Variants in NEK10 observed in about 807,000 individuals in gnomAD.
The protein encoded by NEK10 is serine/threonine-protein kinase Nek10.
A neutral mutation model predicts 159.8 loss-of-function variants in NEK10; 122 were observed. That is an observed-to-expected ratio of 0.76 (90% CI 0.66 to 0.89). NEK10 has a LOEUF of 0.89. Among genes scored for constraint, NEK10 ranks in the 40% least tolerant of loss-of-function variants. The probability of loss-of-function intolerance (pLI) is 0.00; values close to 1 mark genes in which losing one functional copy is unlikely to be tolerated. For missense variants in NEK10, 1,342 were observed against 1,323.1 expected (o/e 1.01, Z -0.22); for synonymous variants, 466 against 457.1 (o/e 1.02, Z -0.25).
intron 5 of NEK10, among the ~76,000 whole-genome samples, chr3:27,342,674 G>A (rs1220317389): frequency 2.0e-5 from 3 of 152,040 alleles, no homozygotes; most frequent in African/African-American, 7.2e-5. Context: ...GAATTGTTGA[G>A]ATCTTTTTCA....
At chr3:27,161,415 A>C (rs1946000357) in intron 30 of NEK10, among the ~76,000 whole-genome samples, 1 of 152,208 alleles carries the variant, frequency 6.6e-6, no homozygotes, top group Non-Finnish European at 1.5e-5. Flanking sequence ...ACATGGGCTA[A>C]CATTACAGTC....
intron 23 of NEK10, among the ~76,000 whole-genome samples, chr3:27,251,917 T>C (rs2149304396): frequency 6.6e-6 from 1 of 152,296 alleles, no homozygotes; most frequent in Admixed American, 6.5e-5. Flanking sequence ...ACCATCAAGG[T>C]ACTTACTATC....
chr3:27,335,830 G>A (rs1255076416), intron 5 of NEK10, among the ~76,000 whole-genome samples: 2 of 152,042 alleles, frequency 1.3e-5, no homozygotes, highest in South Asian at 2.1e-4. Flanking sequence ...GTGGAAACAC[G>A]ACATACCAAA....
chr3:27,342,719 C>T (rs1451107910), intron 5 of NEK10, among the ~76,000 whole-genome samples: 2 of 151,984 alleles, frequency 1.3e-5, no homozygotes, highest in African/African-American at 4.8e-5. Flanking sequence ...GGTTATTTTC[C>T]CTAACAATTT....
chr3:27,360,646 TAAC>T (rs1424354981), intron 1 of NEK10, among the ~76,000 whole-genome samples: 3 of 152,168 alleles, frequency 2.0e-5, no homozygotes, highest in Admixed American at 6.5e-5. Flanking sequence ...GAGGGTGATA[TAAC>T]AACAACTGAT....
At chr3:27,239,231 C>G (rs1954291301) in intron 23 of NEK10, among the ~76,000 whole-genome samples, 1 of 152,016 alleles carries the variant, frequency 6.6e-6, no homozygotes, top group African/African-American at 2.4e-5. Flanking sequence ...ATGTTAAGTG[C>G]CCAGAAAGAA....
intron 32 of NEK10, among the ~76,000 whole-genome samples, chr3:27,125,573 T>C (rs1382888873): frequency 6.6e-6 from 1 of 152,188 alleles, no homozygotes; most frequent in Non-Finnish European, 1.5e-5. Flanking sequence ...ACATACAGCT[T>C]CTCCATATGA....
intron 32 of NEK10, among the ~76,000 whole-genome samples, chr3:27,125,081 C>T (rs1941792127): frequency 6.6e-6 from 1 of 152,032 alleles, no homozygotes; most frequent in Non-Finnish European, 1.5e-5. Context: ...ACTGAATATA[C>T]TTTCGAACTA....
intron 32 of NEK10, among the ~76,000 whole-genome samples, chr3:27,121,053 C>T (rs1175330612): frequency 6.6e-6 from 1 of 152,048 alleles, no homozygotes; most frequent in African/African-American, 2.4e-5. Flanking sequence ...ATATGCCTAC[C>T]CTATGACCCA....
chr3:27,252,943 T>C (rs1227900116), intron 23 of NEK10: 1 of 504,018 alleles, frequency 2.0e-6, no homozygotes, highest in African/African-American at 1.9e-5. Context: ...TTTAAGCCAC[T>C]TAAAATTCTC....
chr3:27,282,038 C>T (rs911209172), intron 22 of NEK10, among the ~76,000 whole-genome samples: 3 of 152,082 alleles, frequency 2.0e-5, no homozygotes, highest in African/African-American at 7.2e-5. Context: ...TAATCAACAT[C>T]GAACAATAAT....
At chr3:27,280,130 G>C (rs1199537507) in intron 22 of NEK10, among the ~76,000 whole-genome samples, 1 of 151,078 alleles carries the variant, frequency 6.6e-6, no homozygotes, top group African/African-American at 2.4e-5. Flanking sequence ...GCTGGGAGAG[G>C]GGATATTCTT....
intron 15 of NEK10, 91 bp downstream of exon 15, chr3:27,295,522 C>A: frequency 1.4e-6 from 2 of 1,469,700 alleles, no homozygotes; most frequent in South Asian, 1.4e-5. Flanking sequence ...CCAGTACTAA[C>A]CTAAACATTC....
chr3:27,319,681 G>A (rs1001711086), intron 6 of NEK10, among the ~76,000 whole-genome samples: 3 of 152,138 alleles, frequency 2.0e-5, no homozygotes, highest in Admixed American at 2.0e-4. Context: ...ATAGAGAGCG[G>A]GTAGAAGGGA....
In NEK10 at chr3:27,119,826, T is replaced by C. The variant is rs1345213785; in HGVS notation, c.3124A>G (p.Thr1042Ala). 1 of 1,613,972 alleles carries C rather than the reference T, an allele frequency of 6.2e-7. No individual in the cohort carries two copies. Among genetic ancestry groups the C allele is most frequent in the Non-Finnish European group, 8.5e-7 (1 of 1,179,896 alleles). ...CGATGTAATAAATGGTAATCTGCTG[T>C]GAAAAAGTTGGGCTCAATCGGTTCT... is the stretch of plus-strand genomic sequence containing the variant. The part of the protein sequence containing the change: ...SPEPIEPNFF[T>A]ADYHLLHRSS... The change falls in exon 33 of 36, where the codon ACA becomes GCA. Residue 1042 changes from threonine (T) to alanine (A), a missense_variant. Thr to Ala is a moderately conservative substitution (Grantham distance 58). Transcript: ENST00000691995.
chr3:27,246,668 A>G (rs1955097458), intron 23 of NEK10, among the ~76,000 whole-genome samples: 1 of 152,050 alleles, frequency 6.6e-6, no homozygotes, highest in South Asian at 2.1e-4. Flanking sequence ...TTTTATACCC[A>G]TTAATCACCC....
chr3:27,292,890 C>T (rs897981428), intron 16 of NEK10, among the ~76,000 whole-genome samples: 6 of 152,042 alleles, frequency 3.9e-5, no homozygotes, highest in South Asian at 2.1e-4. Context: ...GCCAAAAGGC[C>T]GAAAAGTGAC....
At chr3:27,177,399 G>A (rs987920422) in intron 26 of NEK10, among the ~76,000 whole-genome samples, 3 of 151,902 alleles carry the variant, frequency 2.0e-5, no homozygotes, top group Non-Finnish European at 4.4e-5. Context: ...AAAAAAATTA[G>A]CCGGGCATGG....
chr3:27,249,079 G>T (rs912268730), intron 23 of NEK10, among the ~76,000 whole-genome samples: 1 of 152,150 alleles, frequency 6.6e-6, no homozygotes, highest in African/African-American at 2.4e-5. Context: ...AATCATGGGG[G>T]CGATATCCCC....
Sources: allele counts gnomAD v4.1 joint callset (sites outside exome capture counted in the v4.1 genomes callset), GRCh38; gene constraint gnomAD v4.1.1; transcripts MANE v1.5; gene names NCBI Gene and HGNC (gene_info 2026-07-23, HGNC 2026-07-21).